Variants in BIRC6 observed in about 807,000 individuals in gnomAD.
BIRC6 encodes dual E2 ubiquitin-conjugating enzyme/E3 ubiquitin-protein ligase BIRC6.
A neutral mutation model predicts 503.3 loss-of-function variants in BIRC6; 98 were observed. That is an observed-to-expected ratio of 0.19 (90% CI 0.17 to 0.23). The LOEUF is 0.23. Ranked by LOEUF, BIRC6 falls within the 10% of genes least tolerant of loss-of-function variation. The probability of loss-of-function intolerance (pLI) is 1.00; values close to 1 mark genes in which losing one functional copy is unlikely to be tolerated. For missense variants in BIRC6, 5,360 were observed against 5,806.0 expected (o/e 0.92, Z 2.50); for synonymous variants, 2,240 against 2,078.7 (o/e 1.08, Z -2.11).
chr2:32,408,904 A>G (rs907429442), intron 9 of BIRC6, among the ~76,000 whole-genome samples: 2 of 152,170 alleles, frequency 1.3e-5, no homozygotes, highest in South Asian at 4.1e-4. Flanking sequence ...AAAAGTATGT[A>G]TCTTCTAAAC....
At chr2:32,400,402 G>A (rs1202904103) in intron 6 of BIRC6, among the ~76,000 whole-genome samples, 2 of 146,478 alleles carry the variant, frequency 1.4e-5, no homozygotes, top group Non-Finnish European at 3.0e-5. Context: ...GCAGTGGCGC[G>A]ATCTCGGCTC....
rs2056568887 is a variant in BIRC6 at position 32,529,632 on chromosome 2, CT to C, written c.11921-17del. 2 of 1,528,040 alleles carry C rather than the reference CT, an allele frequency of 1.3e-6. No homozygotes were observed. Among genetic ancestry groups the C allele is most frequent in the Non-Finnish European group, 1.8e-6 (2 of 1,140,500 alleles). 94.7% of individuals were successfully genotyped at this position (1,528,040 alleles called of 1,614,324 possible). On this transcript the variant is annotated intron_variant, in intron 59 of 73. Transcript: ENST00000421745. Reference sequence around the variant, plus strand: ...TTTCTTTCTCGGTTTCCAGATTTAACTTAGTTATATCATTTTAGGCCAGCCA... The same window carrying C: ...TTTCTTTCTCGGTTTCCAGATTTAACTAGTTATATCATTTTAGGCCAGCCA...
intron 8 of BIRC6, among the ~76,000 whole-genome samples, chr2:32,404,097 T>A (rs532547485): frequency 6.6e-6 from 1 of 151,722 alleles, no homozygotes; most frequent in South Asian, 2.1e-4. Flanking sequence ...CCTGGCTAAT[T>A]TTTTGTATTT....
chr2:32,600,653 T>G (rs1359855258), intron 70 of BIRC6, among the ~76,000 whole-genome samples: 1 of 152,208 alleles, frequency 6.6e-6, no homozygotes, highest in African/African-American at 2.4e-5. Context: ...GTGTAAAATA[T>G]TAAGATGTAT....
Position 32,565,614 on chromosome 2 carries a change from A to G in BIRC6, c.13145-9542A>G, listed in dbSNP as rs77427194. On this transcript the variant is annotated intron_variant, in intron 65 of 73. Transcript: ENST00000421745. The stretch of plus-strand genomic sequence containing the variant: ...TCTTATATTTCTTTATAGGAAATCT[A>G]TGTATAACAAGTAAATATAAATACA... 7 of 152,330 alleles carry G rather than the reference A, an allele frequency of 4.6e-5. No homozygotes were observed. In the East Asian group the frequency reaches 1.3e-3, roughly 29 times the overall value. The allele number at this position is 152,330 out of a possible 1,614,324, so 9.4% of individuals were successfully genotyped here.
intron 45 of BIRC6, among the ~76,000 whole-genome samples, chr2:32,497,784 T>C (rs1572629857): frequency 1.3e-5 from 2 of 152,168 alleles, no homozygotes; most frequent in East Asian, 3.8e-4. Flanking sequence ...TTTTCTACTT[T>C]CTTTGAATTT....
chr2:32,458,187 C>T (rs1162419445), intron 23 of BIRC6, among the ~76,000 whole-genome samples: 1 of 152,106 alleles, frequency 6.6e-6, no homozygotes, highest in Non-Finnish European at 1.5e-5. Flanking sequence ...ATTTCTCAAA[C>T]TTTCTGAGAT....
In BIRC6 at chr2:32,519,129, T is replaced by A. The variant is rs986669825; in HGVS notation, c.11623+183T>A. The A allele has an allele frequency of 3.8e-5, 22 of 571,444 alleles. No homozygotes were observed. In the African/African-American group the frequency reaches 3.9e-4, roughly 10 times the overall value. 35.4% of individuals were successfully genotyped at this position (571,444 alleles called of 1,614,324 possible). On this transcript the variant is annotated intron_variant, in intron 57 of 73. Transcript: ENST00000421745. ...CAAGTGGACAAAATGTAAAATACTTTTAGGCACCCCTAATTTTTTGGTTTA... is the reference window on the plus strand; with the variant it reads ...CAAGTGGACAAAATGTAAAATACTTATAGGCACCCCTAATTTTTTGGTTTA...
At chr2:32,521,432 G>C (rs1212058805) in intron 57 of BIRC6, among the ~76,000 whole-genome samples, 2 of 133,064 alleles carry the variant, frequency 1.5e-5, no homozygotes, top group Non-Finnish European at 3.2e-5. Flanking sequence ...GGCCAAAAAG[G>C]AAGTGACCTA....
chr2:32,609,733 C>T (rs1428900974), intron 72 of BIRC6, among the ~76,000 whole-genome samples: 2 of 136,858 alleles, frequency 1.5e-5, no homozygotes, highest in Non-Finnish European at 3.0e-5. Flanking sequence ...CTGGGCAGCA[C>T]GGTGAGACTC....
At chr2:32,542,054 A>G (rs1050451272) in intron 61 of BIRC6, among the ~76,000 whole-genome samples, 2 of 151,844 alleles carry the variant, frequency 1.3e-5, no homozygotes, top group African/African-American at 4.8e-5. Flanking sequence ...TGCTATCTTT[A>G]TTTATCTTTC....
At chr2:32,382,786 C>T (rs148223282) in intron 3 of BIRC6, among the ~76,000 whole-genome samples, 3,630 of 149,012 alleles carry the variant, frequency 0.024, 121 homozygotes, top group African/African-American at 0.086. Flanking sequence ...TGCAGTGGTG[C>T]GATCTTGGCT....
rs2149703242 is a variant in BIRC6 at position 32,515,383 on chromosome 2, C to T, written c.10962C>T (p.Ala3654=). The change falls in exon 55 of 74, where the codon GCC becomes GCT. Residue 3654 remains alanine (A), a synonymous_variant. Coordinates refer to ENST00000421745, the MANE Select transcript of BIRC6 (RefSeq NM_016252.4). ...ACATTTCTAGCTCAGAAAGCATTGC[C>T]CAGTCAATAGATATTTCCCAGGACA... ...FSHISSSESI[A]QSIDISQDKL... The T allele has an allele frequency of 6.2e-7, 1 of 1,613,446 alleles. No individual in the cohort carries two copies. Among genetic ancestry groups the T allele is most frequent in the Non-Finnish European group, 8.5e-7 (1 of 1,179,858 alleles).
Position 32,415,683 on chromosome 2 carries a change from G to T in BIRC6, c.2392G>T (p.Val798Leu). 6.2e-7 allele frequency: 1 copy of T among 1,613,886 alleles called. No individual in the cohort carries two copies. The highest frequency in any genetic ancestry group is 1.1e-5 in the South Asian group (1 of 91,086). ...TGTAGTGAATGGTGCAAATATTAGTGTAATCCAACATGAATCACCAGCAGA... is the reference window on the plus strand; with the variant it reads ...TGTAGTGAATGGTGCAAATATTAGTTTAATCCAACATGAATCACCAGCAGA... The part of the protein sequence containing the change: ...LAVVNGANIS[V>L]IQHESPADVQ... Residue 798 changes from valine (V) to leucine (L), a missense_variant, in exon 10 of 74, where the codon GTA (valine) becomes TTA (leucine). Around this residue, in one of 16 missense-constraint regions of BIRC6, gnomAD observed 700 missense variants for 739.3 expected, o/e 0.95. Coordinates refer to ENST00000421745, the MANE Select transcript of BIRC6 (RefSeq NM_016252.4).
In BIRC6 at chr2:32,575,287, C is replaced by T. The variant is rs746448462; in HGVS notation, c.13276C>T (p.Gln4426Ter). Reference protein sequence around the residue: ...STENGEEEEEQSECQTSVGTL... With the variant: ...STENGEEEEE ...AGAGAACGGTGAAGAGGAAGAAGAACAGTCAGAATGTCAAACTTCTGTTGG... is the reference window on the plus strand; with the variant it reads ...AGAGAACGGTGAAGAGGAAGAAGAATAGTCAGAATGTCAAACTTCTGTTGG... Residue 4426 changes from glutamine to a stop codon, truncating the protein, a stop_gained, in exon 66 of 74, where the codon CAG becomes TAG. Transcript: ENST00000421745. LOFTEE classifies it high-confidence loss of function. 1 of 1,613,992 alleles carries T rather than the reference C, an allele frequency of 6.2e-7. No individual in the cohort carries two copies. Among genetic ancestry groups the T allele is most frequent in the Non-Finnish European group, 8.5e-7 (1 of 1,179,878 alleles).
intron 12 of BIRC6, among the ~76,000 whole-genome samples, chr2:32,432,025 T>C (rs2044177853): frequency 6.6e-6 from 1 of 152,188 alleles, no homozygotes; most frequent in East Asian, 1.9e-4. Context: ...TACAGAACCC[T>C]GAGGACTATA....
At chr2:32,604,978 G>A (rs889406397) in intron 71 of BIRC6, among the ~76,000 whole-genome samples, 6 of 150,708 alleles carry the variant, frequency 4.0e-5, no homozygotes, top group Non-Finnish European at 7.4e-5. Context: ...TGCGTCTCGG[G>A]TTCAAGCTGT....
Position 32,362,355 on chromosome 2 carries a change from G to A in BIRC6, c.325+4869G>A, listed in dbSNP as rs190795429. 1.4e-4 allele frequency among the ~76,000 whole-genome samples: 20 copies of A among 143,280 alleles called. 1 individual carries two copies. In the East Asian group the frequency reaches 3.2e-3, roughly 23 times the overall value. The allele number at this position is 143,280 out of a possible 152,430, so 94.0% of individuals were successfully genotyped here. On this transcript the variant is annotated intron_variant, in intron 1 of 73. Coordinates refer to ENST00000421745, the MANE Select transcript of BIRC6 (RefSeq NM_016252.4). ...TTTTGAGACAGAGTCTCGCTCTGTC[G>A]CCCAGGCTGGAGTGCAGTGGTGTGA...
chr2:32,423,863 C>T (rs181938500), intron 10 of BIRC6, among the ~76,000 whole-genome samples: 11 of 152,316 alleles, frequency 7.2e-5, no homozygotes, highest in Admixed American at 1.3e-4. Flanking sequence ...TCCAGCATCT[C>T]CATGCTGTAT....
Sources: gnomAD v4.1 joint callset for allele counts (sites outside exome capture counted in the v4.1 genomes callset) on GRCh38, gnomAD v4.1.1 for gene constraint, gnomAD v4.1.1 regional missense constraint, MANE v1.5 for transcripts, NCBI Gene and HGNC (gene_info 2026-07-23, HGNC 2026-07-21) for gene names.